PLIN3: variants seen among roughly 807,000 people sequenced by gnomAD.
The protein encoded by PLIN3 is perilipin 3, also known as perilipin-3.
PLIN3 carries 30 observed loss-of-function variants against 35.9 expected under a neutral mutation model. That is an observed-to-expected ratio of 0.84 (90% CI 0.62 to 1.13). The LOEUF is 1.13. Ranked by LOEUF, PLIN3 falls within the 50% of genes most tolerant of loss-of-function variation. PLIN3 has a pLI of 0.00. For missense variants in PLIN3, 603 were observed against 596.9 expected (o/e 1.01, Z -0.11); for synonymous variants, 261 against 262.5 (o/e 0.99, Z 0.06).
chr19:4,843,513 AT>A (rs1239234151), intron 7 of PLIN3, among the ~76,000 whole-genome samples: 2 of 149,698 alleles, frequency 1.3e-5, no homozygotes, highest in Non-Finnish European at 3.0e-5. Flanking sequence ...ATCTCAAAAA[AT>A]AAATAAATAA....
chr19:4,841,698 C>T (rs955612336), intron 7 of PLIN3, among the ~76,000 whole-genome samples: 8 of 150,632 alleles, frequency 5.3e-5, no homozygotes, highest in South Asian at 2.1e-4. Flanking sequence ...TCAGGACGAT[C>T]GGGACCATCC....
intron 4 of PLIN3, among the ~76,000 whole-genome samples, chr19:4,855,370 G>T (rs2030441315): frequency 6.6e-6 from 1 of 151,934 alleles, no homozygotes; most frequent in Non-Finnish European, 1.5e-5. Flanking sequence ...TACGCTATCA[G>T]TGGGAGAGAA....
At chr19:4,860,155 T>G (rs2030626478) in intron 2 of PLIN3, 131 bp from the exon 3 acceptor site, 14 of 726,006 alleles carry the variant, frequency 1.9e-5, no homozygotes, top group Non-Finnish European at 3.4e-5. Context: ...ACACTTTGCA[T>G]CCAGGCAGTT....
chr19:4,848,234 C>A, intron 5 of PLIN3, among the ~76,000 whole-genome samples: 1 of 152,270 alleles, frequency 6.6e-6, no homozygotes, highest in East Asian at 1.9e-4. Context: ...TTCATCCGAA[C>A]TGGCCTCCAA....
At chr19:4,850,947 A>C (rs910951740) in intron 5 of PLIN3, among the ~76,000 whole-genome samples, 4 of 151,942 alleles carry the variant, frequency 2.6e-5, no homozygotes, top group Non-Finnish European at 5.9e-5. Flanking sequence ...CACTCCAGCC[A>C]AGGAGTTCTG....
intron 1 of PLIN3, among the ~76,000 whole-genome samples, chr19:4,864,256 G>A (rs547187013): frequency 2.6e-5 from 4 of 151,512 alleles, no homozygotes; most frequent in South Asian, 4.2e-4. Flanking sequence ...GGGTTCAAGC[G>A]ATTCTCCTGC....
At position 4,839,347 on chromosome 19, in the gene PLIN3, T is replaced by TG. The variant is rs1288289557; in HGVS notation, c.1149dup (p.Ser384GlnfsTer9). ...TCACGGCTCTGGGCCAGAATGCTGC[T>TG]GGACAGGTCCTGGAAGGAGTGGATG... On this transcript the variant is annotated frameshift_variant, in exon 8 of 8. Coordinates refer to ENST00000221957, the MANE Select transcript of PLIN3 (RefSeq NM_005817.5). LOFTEE classifies it low-confidence loss of function (END_TRUNC). 1 of 1,614,004 alleles carries TG rather than the reference T, an allele frequency of 6.2e-7. No individual in the cohort carries two copies. The highest frequency in any genetic ancestry group is 2.2e-5 in the East Asian group (1 of 44,872).
chr19:4,848,602 C>T (rs970690559), intron 5 of PLIN3, among the ~76,000 whole-genome samples: 1 of 152,202 alleles, frequency 6.6e-6, no homozygotes, highest in African/African-American at 2.4e-5. Flanking sequence ...TGCAGTGGCT[C>T]ATGCCAGTAA....
At chr19:4,841,904 C>CAAA (rs111932271) in intron 7 of PLIN3, among the ~76,000 whole-genome samples, 4 of 38,668 alleles carry the variant, frequency 1.0e-4, no homozygotes, top group African/African-American at 1.3e-4. Context: ...GACTCCATCT[C>CAAA]AAAAAAAAAA....
At chr19:4,859,718 C>T (rs376435694) in intron 3 of PLIN3, 46 bp from the exon 4 acceptor site, 2 of 1,601,418 alleles carry the variant, frequency 1.2e-6, no homozygotes, top group Non-Finnish European at 1.7e-6. Context: ...GGAAGGTCAC[C>T]TAGTAATGGT....
intron 7 of PLIN3, among the ~76,000 whole-genome samples, chr19:4,840,721 G>A (rs1230077981): frequency 6.6e-6 from 1 of 152,158 alleles, no homozygotes; most frequent in Non-Finnish European, 1.5e-5. Context: ...GGAGGCCAAG[G>A]TGCGTGGATC....
Position 4,839,363 on chromosome 19 carries a change from G to GGAGT in PLIN3, c.1130_1133dup (p.Phe379LeufsTer15). 1 of 1,613,502 alleles carries GGAGT rather than the reference G, an allele frequency of 6.2e-7. No individual in the cohort carries two copies. The highest frequency in any genetic ancestry group is 8.5e-7 in the Non-Finnish European group (1 of 1,179,498). On this transcript the variant is annotated frameshift_variant, in exon 8 of 8. Coordinates refer to ENST00000221957, the MANE Select transcript of PLIN3 (RefSeq NM_005817.5). LOFTEE classifies it low-confidence loss of function (END_TRUNC). ...GAATGCTGCTGGACAGGTCCTGGAA[G>GGAGT]GAGTGGATGCTGGAAAACGTGGCCT...
chr19:4,851,954 C>A, intron 5 of PLIN3, 62 bp downstream of exon 5: 1 of 1,534,138 alleles, frequency 6.5e-7, no homozygotes, highest in Non-Finnish European at 8.8e-7. Context: ...AGGAGGCCGA[C>A]AGCGGCTTCC....
chr19:4,846,075 A>T (rs1257707123), intron 6 of PLIN3, among the ~76,000 whole-genome samples: 1 of 151,726 alleles, frequency 6.6e-6, no homozygotes, highest in Non-Finnish European at 1.5e-5. Context: ...ATAGAAAAGA[A>T]AATTAGCCAG....
intron 4 of PLIN3, among the ~76,000 whole-genome samples, chr19:4,856,965 CA>C (rs2030496341): frequency 1.3e-5 from 2 of 152,048 alleles, no homozygotes; most frequent in Admixed American, 1.3e-4. Flanking sequence ...TTCGGCCTCC[CA>C]AAGTGCTGGG....
At chr19:4,850,796 CTT>C (rs1219084730) in intron 5 of PLIN3, among the ~76,000 whole-genome samples, 2 of 151,598 alleles carry the variant, frequency 1.3e-5, no homozygotes, top group Non-Finnish European at 2.9e-5. Context: ...GTCTCAAACT[CTT>C]GACTTCAGGT....
intron 7 of PLIN3, among the ~76,000 whole-genome samples, chr19:4,840,575 C>A (rs2029877559): frequency 6.6e-6 from 1 of 152,120 alleles, no homozygotes; most frequent in Non-Finnish European, 1.5e-5. Context: ...CTTTAAAGGG[C>A]ATAGACAAAT....
At chr19:4,853,815 A>G (rs58200477) in intron 4 of PLIN3, among the ~76,000 whole-genome samples, 19,833 of 151,634 alleles carry the variant, frequency 0.13, 1,398 homozygotes, top group Middle Eastern at 0.18. Context: ...TCTGTCTCCA[A>G]AAAAAAACAA....
intron 7 of PLIN3, among the ~76,000 whole-genome samples, chr19:4,840,022 C>T (rs1369824710): frequency 3.6e-5 from 5 of 139,538 alleles, no homozygotes; most frequent in African/African-American, 1.4e-4. Flanking sequence ...GGTTGGCGTG[C>T]AGTGGCATGA....
Sources: allele counts gnomAD v4.1 joint callset (sites outside exome capture counted in the v4.1 genomes callset), GRCh38; gene constraint gnomAD v4.1.1; transcripts MANE v1.5; gene names NCBI Gene and HGNC (gene_info 2026-07-23, HGNC 2026-07-21).